Variants in PSME4 observed in about 807,000 individuals in gnomAD.
The protein encoded by PSME4 is proteasome activator subunit 4, also known as proteasome activator complex subunit 4.
PSME4 carries 89 observed loss-of-function variants against 253.9 expected under a neutral mutation model. The observed-to-expected ratio is 0.35, with a 90% CI of 0.30 to 0.42. The LOEUF is 0.42. Among genes scored for constraint, PSME4 ranks in the 10% least tolerant of loss-of-function variants. The pLI is 1.00. For missense variants in PSME4, 2,014 were observed against 2,195.2 expected (o/e 0.92, Z 1.65); for synonymous variants, 851 against 759.2 (o/e 1.12, Z -1.99).
intron 41 of PSME4, among the ~76,000 whole-genome samples, chr2:53,878,512 G>C (rs893483860): frequency 1.3e-5 from 2 of 152,228 alleles, no homozygotes; most frequent in African/African-American, 4.8e-5. Flanking sequence ...TGGTGGAACA[G>C]AGCCATATTT....
chr2:53,906,990 G>A, intron 24 of PSME4, 122 bp from the exon 25 acceptor site: 1 of 776,030 alleles, frequency 1.3e-6, no homozygotes. Flanking sequence ...AGTGGTGGTG[G>A]TATTTCCTTT....
In PSME4 at chr2:53,904,219, C is replaced by G. The variant is rs1013737063; in HGVS notation, c.2944-63G>C. The G allele has an allele frequency of 3.5e-6, 5 of 1,408,798 alleles. No individual in the cohort carries two copies. In the African/African-American group the frequency reaches 5.8e-5, roughly 16 times the overall value. The allele number at this position is 1,408,798 out of a possible 1,614,324, so 87.3% of individuals were successfully genotyped here. ...TAGTAAAGTACAAAGCAGTTTAAAA[C>G]AAATTATCAAAAACAGTAATGATAA... On this transcript the variant is annotated intron_variant, in intron 26 of 46. Coordinates refer to ENST00000404125, the MANE Select transcript of PSME4 (RefSeq NM_014614.3).
intron 41 of PSME4, among the ~76,000 whole-genome samples, chr2:53,883,386 G>A (rs1388159882): frequency 6.6e-6 from 1 of 152,164 alleles, no homozygotes; most frequent in Non-Finnish European, 1.5e-5. Context: ...CGTAGTCCCA[G>A]CTACTCAGGG....
chr2:53,874,802 G>A (rs561748131), intron 42 of PSME4, among the ~76,000 whole-genome samples: 8 of 152,272 alleles, frequency 5.3e-5, no homozygotes, highest in Middle Eastern at 3.4e-3. Context: ...AAAATTAGCT[G>A]GGTGTGGTGG....
At chr2:53,900,845 C>A (rs1393274760) in intron 28 of PSME4, among the ~76,000 whole-genome samples, 1 of 152,070 alleles carries the variant, frequency 6.6e-6, no homozygotes, top group Non-Finnish European at 1.5e-5. Context: ...TTACTCACCC[C>A]CATGTTCTGA....
chr2:53,887,499 G>A, intron 39 of PSME4, 32 bp from the exon 40 acceptor site: 1 of 1,544,998 alleles, frequency 6.5e-7, no homozygotes. Context: ...AATAGGAAGA[G>A]GTGCCACATT....
chr2:53,953,487 TAAAAAAAA>T (rs67192995), intron 1 of PSME4, among the ~76,000 whole-genome samples: 22 of 123,006 alleles, frequency 1.8e-4, no homozygotes, highest in East Asian at 1.4e-3. Flanking sequence ...CCATGTCTAT[TAAAAAAAA>T]AAAAAAAAAA....
intron 1 of PSME4, among the ~76,000 whole-genome samples, chr2:53,952,761 A>T (rs1372444624): frequency 6.6e-6 from 1 of 152,224 alleles, no homozygotes; most frequent in African/African-American, 2.4e-5. Context: ...AGAATCTAAC[A>T]TCATGGCTAA....
At chr2:53,940,999 A>ATG (rs1669429706) in intron 3 of PSME4, among the ~76,000 whole-genome samples, 4 of 96,496 alleles carry the variant, frequency 4.1e-5, no homozygotes, top group African/African-American at 1.4e-4. Context: ...ATATATATAT[A>ATG]TGAAAGGAGT....
At chr2:53,945,114 A>G (rs1669641392) in intron 3 of PSME4, among the ~76,000 whole-genome samples, 1 of 152,212 alleles carries the variant, frequency 6.6e-6, no homozygotes, top group South Asian at 2.1e-4. Flanking sequence ...ATTTATACAC[A>G]TAGCAACTGA....
At chr2:53,912,156 A>C (rs891837240) in intron 20 of PSME4, among the ~76,000 whole-genome samples, 1 of 152,142 alleles carries the variant, frequency 6.6e-6, no homozygotes, top group African/African-American at 2.4e-5. Flanking sequence ...ACTTACACGC[A>C]GATTTTTTTT....
intron 18 of PSME4, 30 bp from the exon 19 acceptor site, chr2:53,920,380 T>C (rs763803415): frequency 6.5e-7 from 1 of 1,537,800 alleles, no homozygotes; most frequent in South Asian, 1.3e-5. Flanking sequence ...ACTCAGCAAG[T>C]TGAGAAATTA....
intron 3 of PSME4, among the ~76,000 whole-genome samples, chr2:53,940,975 A>ATATAT: frequency 1.5e-5 from 1 of 65,348 alleles, no homozygotes; most frequent in Non-Finnish European, 3.6e-5. Context: ...ATATATATAT[A>ATATAT]TATATATATA....
chr2:53,957,654 T>C (rs1171322313), intron 1 of PSME4, among the ~76,000 whole-genome samples: 1 of 152,288 alleles, frequency 6.6e-6, no homozygotes, highest in South Asian at 2.1e-4. Flanking sequence ...GCCTGGGAGA[T>C]GGAGACCCCT....
At chr2:53,927,566 C>T (rs1434500219) in intron 11 of PSME4, 83 bp from the exon 12 acceptor site, 5 of 964,938 alleles carry the variant, frequency 5.2e-6, no homozygotes, top group African/African-American at 4.9e-5. Context: ...AATAAATTAC[C>T]CCAATAAATT....
intron 20 of PSME4, among the ~76,000 whole-genome samples, chr2:53,912,373 C>T (rs1040435664): frequency 1.1e-4 from 16 of 152,198 alleles, no homozygotes; most frequent in Admixed American, 2.0e-4. Flanking sequence ...TATTCTTATC[C>T]ACCATAATTT....
At position 53,921,072 on chromosome 2, in the gene PSME4, A is replaced by G; in HGVS notation, c.2079T>C (p.Leu693=). 1 of 1,613,954 alleles carries G rather than the reference A, an allele frequency of 6.2e-7. No individual in the cohort carries two copies. Among genetic ancestry groups the G allele is most frequent in the Non-Finnish European group, 8.5e-7 (1 of 1,179,984 alleles). ...ITRVDGRKLL[L]YREQLVKILQ... Reference sequence around the variant, plus strand: ...GAATCTTTACAAGCTGCTCCCTATAAAGAAGCAACTTCCTTCCATCCACTC... The same window carrying G: ...GAATCTTTACAAGCTGCTCCCTATAGAGAAGCAACTTCCTTCCATCCACTC... The change falls in exon 18 of 47, where the codon CTT becomes CTC. Residue 693 remains leucine, a synonymous_variant. Coordinates refer to ENST00000404125, the MANE Select transcript of PSME4 (RefSeq NM_014614.3).
rs1213745999 is a variant in PSME4 at position 53,901,370 on chromosome 2, T to C, written c.3265A>G (p.Thr1089Ala). The C allele has an allele frequency of 6.8e-6, 11 of 1,613,314 alleles. No homozygotes were observed. The highest frequency in any genetic ancestry group is 1.3e-5 in the African/African-American group (1 of 74,922). The change falls in exon 28 of 47, where the codon ACA becomes GCA. Residue 1089 changes from threonine to alanine, a missense_variant. This residue lies in a region of PSME4 where 989 missense variants were observed against 1,021.1 expected (regional missense o/e 0.97). Coordinates refer to ENST00000404125, the MANE Select transcript of PSME4 (RefSeq NM_014614.3). ...CTTACTGTGAAGTCCAAGCCAATTGTTTCATACTGCCTATGAATCTTTTCT... is the reference window on the plus strand; with the variant it reads ...CTTACTGTGAAGTCCAAGCCAATTGCTTCATACTGCCTATGAATCTTTTCT... ...LAEKIHRQYETIGLDFTIPKS... is the reference protein window; with the variant it reads ...LAEKIHRQYEAIGLDFTIPKS...
intron 18 of PSME4, 36 bp from the exon 19 acceptor site, chr2:53,920,386 A>T (rs781079763): frequency 2.0e-6 from 3 of 1,530,100 alleles, no homozygotes; most frequent in Non-Finnish European, 1.8e-6. Flanking sequence ...CAAGTTGAGA[A>T]ATTAAAAACA....
Sources: allele counts gnomAD v4.1 joint callset (sites outside exome capture counted in the v4.1 genomes callset), GRCh38; gene constraint gnomAD v4.1.1; regional missense constraint gnomAD v4.1.1; transcripts MANE v1.5; gene names NCBI Gene and HGNC (gene_info 2026-07-23, HGNC 2026-07-21).